RIMS2: variants seen among roughly 807,000 people sequenced by gnomAD.
The protein encoded by RIMS2 is regulating synaptic membrane exocytosis protein 2.
In RIMS2, 59 loss-of-function variants were observed where a neutral mutation model predicts 174.4. The observed-to-expected ratio is 0.34, with a 90% confidence interval of 0.27 to 0.42. The LOEUF is 0.42. RIMS2 is among the 10% of genes least tolerant of loss of function. RIMS2 has a pLI of 1.00. For synonymous variants in RIMS2, 606 were observed against 572.5 expected (o/e 1.06, Z -0.84); for missense variants, 1,620 against 1,666.3 (o/e 0.97, Z 0.48).
intron 1 of RIMS2, among the ~76,000 whole-genome samples, chr8:103,643,161 A>T (rs969647135): frequency 6.6e-6 from 1 of 151,526 alleles, no homozygotes; most frequent in Non-Finnish European, 1.5e-5. Flanking sequence ...AAGCTCATTG[A>T]TTGTTTTTTT....
At chr8:103,661,371 T>C (rs2096598183) in intron 1 of RIMS2, among the ~76,000 whole-genome samples, 1 of 152,250 alleles carries the variant, frequency 6.6e-6, no homozygotes, top group African/African-American at 2.4e-5. Flanking sequence ...CCTATGACTT[T>C]GGAGGAGAAT....
At chr8:104,169,339 T>TAA (rs3072658) in intron 19 of RIMS2, among the ~76,000 whole-genome samples, 5 of 33,264 alleles carry the variant, frequency 1.5e-4, no homozygotes, top group African/African-American at 4.8e-4. Flanking sequence ...TATATATATA[T>TAA]AAAACAGATT....
chr8:103,942,792 C>T (rs771056550), exon 14 of RIMS2: 2 of 1,611,660 alleles, frequency 1.2e-6, no homozygotes, highest in Non-Finnish European at 1.7e-6. Flanking sequence ...GAATTAGAAA[C>T]AGCATTATTA....
At chr8:104,193,592 C>A (rs1344043571) in intron 19 of RIMS2, among the ~76,000 whole-genome samples, 1 of 152,192 alleles carries the variant, frequency 6.6e-6, no homozygotes. Flanking sequence ...ATCCCTGTAT[C>A]ACAACATTTC....
intron 4 of RIMS2, among the ~76,000 whole-genome samples, chr8:103,903,939 T>A (rs1025283894): frequency 1.2e-4 from 18 of 152,184 alleles, no homozygotes; most frequent in African/African-American, 3.9e-4. Flanking sequence ...ATATCTTGCT[T>A]AGCTATAATT....
chr8:103,632,731 A>ATTTGTT (rs2095964004), intron 1 of RIMS2, among the ~76,000 whole-genome samples: 1 of 70,446 alleles, frequency 1.4e-5, no homozygotes, highest in Non-Finnish European at 2.5e-5. Context: ...ATATTTATTG[A>ATTTGTT]TTTTTTTTTT....
chr8:104,146,353 T>A (rs1599897741), intron 19 of RIMS2, among the ~76,000 whole-genome samples: 2 of 152,196 alleles, frequency 1.3e-5, no homozygotes, highest in Non-Finnish European at 1.5e-5. Flanking sequence ...CACCCTAGCC[T>A]GGGTGACAGA....
At chr8:103,942,365 T>G (rs1217006508) in intron 13 of RIMS2, among the ~76,000 whole-genome samples, 1 of 152,172 alleles carries the variant, frequency 6.6e-6, no homozygotes, top group Admixed American at 6.5e-5. Flanking sequence ...ATGGTGTATA[T>G]GTACCATATT....
At chr8:104,076,914 T>C (rs2097304808) in intron 19 of RIMS2, among the ~76,000 whole-genome samples, 1 of 151,862 alleles carries the variant, frequency 6.6e-6, no homozygotes, top group Admixed American at 6.6e-5. Context: ...CCTCCCGGGT[T>C]CAAGTGATTC....
At chr8:103,840,873 A>T (rs977753671) in intron 3 of RIMS2, among the ~76,000 whole-genome samples, 1 of 152,212 alleles carries the variant, frequency 6.6e-6, no homozygotes, top group South Asian at 2.1e-4. Context: ...CAAAAATATA[A>T]TTATAGCATA....
intron 1 of RIMS2, among the ~76,000 whole-genome samples, chr8:103,528,908 GT>G (rs904447092): frequency 6.6e-6 from 1 of 152,080 alleles, no homozygotes; most frequent in African/African-American, 2.4e-5. Flanking sequence ...CTTTAAAGTA[GT>G]TTTTTCCAAT....
intron 3 of RIMS2, among the ~76,000 whole-genome samples, chr8:103,826,906 C>G (rs2098794663): frequency 6.6e-6 from 1 of 151,652 alleles, no homozygotes; most frequent in South Asian, 2.1e-4. Context: ...TGGCTTCAGG[C>G]TATCTGCTAT....
At chr8:103,690,954 A>G (rs995565165) in intron 1 of RIMS2, among the ~76,000 whole-genome samples, 4 of 152,276 alleles carry the variant, frequency 2.6e-5, no homozygotes, top group Middle Eastern at 3.4e-3. Context: ...TGTTTGAAGG[A>G]TATTTTTACT....
At chr8:103,859,451 G>A (rs2099047134) in intron 3 of RIMS2, among the ~76,000 whole-genome samples, 1 of 152,050 alleles carries the variant, frequency 6.6e-6, no homozygotes, top group South Asian at 2.1e-4. Context: ...GGCAATTAGA[G>A]GAGCTAACAG....
intron 1 of RIMS2, among the ~76,000 whole-genome samples, chr8:103,580,773 C>T (rs1442692723): frequency 6.7e-6 from 1 of 150,332 alleles, no homozygotes; most frequent in Non-Finnish European, 1.5e-5. Context: ...TAAAGATGAA[C>T]TAATACCATG....
chr8:103,912,155 G>C (rs61760869), exon 6 of RIMS2: 10 of 1,606,504 alleles, frequency 6.2e-6, no homozygotes, highest in Non-Finnish European at 8.5e-6. Flanking sequence ...AGATTCAGGA[G>C]CAATGCTTGG....
At chr8:104,160,593 C>T (rs2098755152) in intron 19 of RIMS2, among the ~76,000 whole-genome samples, 1 of 152,260 alleles carries the variant, frequency 6.6e-6, no homozygotes, top group South Asian at 2.1e-4. Context: ...TGCGTTATCC[C>T]TTTCCAAACA....
chr8:104,153,056 G>A (rs1193988814), intron 19 of RIMS2, among the ~76,000 whole-genome samples: 1 of 152,118 alleles, frequency 6.6e-6, no homozygotes, highest in Non-Finnish European at 1.5e-5. Flanking sequence ...TGATATCACA[G>A]TAATTATATG....
At chr8:103,854,799 T>G (rs947169181) in intron 3 of RIMS2, among the ~76,000 whole-genome samples, 4 of 152,024 alleles carry the variant, frequency 2.6e-5, no homozygotes, top group South Asian at 2.1e-4. Flanking sequence ...CATCTATGTT[T>G]ATCAGGGATA....
Sources: allele counts gnomAD v4.1 joint callset (sites outside exome capture counted in the v4.1 genomes callset), GRCh38; gene constraint gnomAD v4.1.1; transcripts MANE v1.5; gene names NCBI Gene and HGNC (gene_info 2026-07-23, HGNC 2026-07-21).